Variants in PLCB1 observed in about 807,000 individuals in gnomAD.
PLCB1 encodes phospholipase C beta 1.
PLCB1 carries 46 observed loss-of-function variants against 161.8 expected under a neutral mutation model. That is an observed-to-expected ratio of 0.28 (90% CI 0.22 to 0.36). The LOEUF (loss-of-function observed/expected upper bound fraction) is 0.36, where lower values mean the gene tolerates loss of function less well. PLCB1 is among the 10% of genes least tolerant of loss of function. The pLI is 1.00. For synonymous variants in PLCB1, 517 were observed against 503.7 expected (o/e 1.03, Z -0.35); for missense variants, 1,016 against 1,472.5 (o/e 0.69, Z 5.07).
chr20:8,482,092 A>ATTTTTTTTTTTTTTTTTTTTT (rs199634903), intron 3 of PLCB1, among the ~76,000 whole-genome samples: 6 of 104,882 alleles, frequency 5.7e-5, no homozygotes, highest in Non-Finnish European at 7.3e-5. Context: ...GCTTGAAGGA[A>ATTTTTTTTTTTTTTTTTTTTT]TTTTTTTTTT....
At chr20:8,558,635 A>G (rs1986043140) in intron 3 of PLCB1, among the ~76,000 whole-genome samples, 1 of 151,922 alleles carries the variant, frequency 6.6e-6, no homozygotes, top group Admixed American at 6.6e-5. Flanking sequence ...ACACTAAGAG[A>G]AATTGTAATC....
chr20:8,384,545 T>G (rs767599846), intron 3 of PLCB1, among the ~76,000 whole-genome samples: 1 of 152,094 alleles, frequency 6.6e-6, no homozygotes, highest in East Asian at 1.9e-4. Flanking sequence ...TCTCATCCTC[T>G]GTCCAGTTCT....
intron 3 of PLCB1, among the ~76,000 whole-genome samples, chr20:8,547,346 C>T (rs1985591096): frequency 6.6e-6 from 1 of 152,104 alleles, no homozygotes; most frequent in Non-Finnish European, 1.5e-5. Context: ...TAATTGTCCA[C>T]CACAGATTTG....
At chr20:8,434,322 A>G (rs1980203537) in intron 3 of PLCB1, among the ~76,000 whole-genome samples, 2 of 147,208 alleles carry the variant, frequency 1.4e-5, no homozygotes, top group Non-Finnish European at 3.0e-5. Context: ...AAGGTTTCAC[A>G]TAAGTCAGAT....
chr20:8,818,855 C>T lies in PLCB1; in HGVS notation c.3423+28594C>T, dbSNP rs564958049. Among the ~76,000 whole-genome samples the T allele has an allele frequency of 2.6e-5, 4 of 151,508 alleles. No homozygotes were observed. In the East Asian group the frequency reaches 5.9e-4, roughly 22 times the overall value. On this transcript the variant is annotated intron_variant, in intron 31 of 31. Transcript: ENST00000338037. ...ACTTGGGAGGCTGAGGCAGTAGAAT[C>T]GCTTGAACCCAGGAGGCGGAGGCTG... is the stretch of plus-strand genomic sequence containing the variant.
rs1341448620 is a variant in PLCB1, at chr20:8,255,285, A to G, written c.177+104914A>G. On this transcript the variant is annotated intron_variant, in intron 2 of 31. Coordinates refer to ENST00000338037, the MANE Select transcript of PLCB1 (RefSeq NM_015192.4). ...GTAATATCAGAGGTAGTAAGGATAA[A>G]TATTCTTTTGAGAAGATCTCCATAT... 2.0e-5 allele frequency among the ~76,000 whole-genome samples: 3 copies of G among 152,072 alleles called. No homozygotes were observed. In the East Asian group the frequency reaches 5.8e-4, roughly 29 times the overall value.
At chr20:8,221,544 G>T (rs1042390626) in intron 2 of PLCB1, among the ~76,000 whole-genome samples, 1 of 152,092 alleles carries the variant, frequency 6.6e-6, no homozygotes, top group African/African-American at 2.4e-5. Flanking sequence ...TCATGAGAAG[G>T]CTCCAGGCTG....
At chr20:8,151,229 A>T (rs771050716) in intron 2 of PLCB1, among the ~76,000 whole-genome samples, 55 of 152,318 alleles carry the variant, frequency 3.6e-4, no homozygotes, top group Middle Eastern at 3.4e-3. Flanking sequence ...ATAGTATACC[A>T]TTAAAACAGC....
At position 8,592,497 on chromosome 20, in the gene PLCB1, G is replaced by A. The variant is rs987786040; in HGVS notation, c.247-35797G>A. Among the ~76,000 whole-genome samples the A allele has an allele frequency of 5.3e-5, 8 of 152,290 alleles. No individual in the cohort carries two copies. The South Asian group carries it at 6.2e-4, about 12-fold the overall frequency. Reference sequence around the variant, plus strand: ...TTGTTGGCATTTCTGGCCAGCATACGTGCCATTTTATTAATTGTTCTGGGC... The same window carrying A: ...TTGTTGGCATTTCTGGCCAGCATACATGCCATTTTATTAATTGTTCTGGGC... On this transcript the variant is annotated intron_variant, in intron 3 of 31. Coordinates refer to ENST00000338037, the MANE Select transcript of PLCB1 (RefSeq NM_015192.4).
At chr20:8,589,969 C>A (rs1013832432) in intron 3 of PLCB1, among the ~76,000 whole-genome samples, 11 of 152,060 alleles carry the variant, frequency 7.2e-5, no homozygotes, top group Non-Finnish European at 1.6e-4. Flanking sequence ...AGGCTCTACC[C>A]TTATGACCTA....
At chr20:8,638,678 C>G (rs1241225490) in intron 4 of PLCB1, among the ~76,000 whole-genome samples, 1 of 152,142 alleles carries the variant, frequency 6.6e-6, no homozygotes, top group South Asian at 2.1e-4. Flanking sequence ...TTAAGAAACT[C>G]TGTCTCTGTT....
chr20:8,704,108 C>G (rs1336497850), intron 11 of PLCB1, among the ~76,000 whole-genome samples: 1 of 152,164 alleles, frequency 6.6e-6, no homozygotes, highest in African/African-American at 2.4e-5. Flanking sequence ...AATCCCAGCA[C>G]TTTGGGAGGC....
At chr20:8,223,019 A>T (rs1309421092) in intron 2 of PLCB1, among the ~76,000 whole-genome samples, 2 of 152,156 alleles carry the variant, frequency 1.3e-5, no homozygotes, top group Non-Finnish European at 2.9e-5. Flanking sequence ...AGTTTTGTCC[A>T]CTTAAAACAA....
intron 1 of PLCB1, among the ~76,000 whole-genome samples, chr20:8,139,441 C>A (rs897329292): frequency 6.6e-6 from 1 of 151,820 alleles, no homozygotes; most frequent in Non-Finnish European, 1.5e-5. Flanking sequence ...TGTTCTGTTT[C>A]TTTTTACTGA....
At position 8,562,853 on chromosome 20, in the gene PLCB1, A is replaced by AT. The variant is rs1986186907; in HGVS notation, c.247-65436dup. ...TTGGTGATATTTTGGGTGATAGACT[A>AT]TTTTTACAAACTAGAAAAGATTCTA... is the stretch of plus-strand genomic sequence containing the variant. On this transcript the variant is annotated intron_variant, in intron 3 of 31. Transcript: ENST00000338037. 2.0e-5 allele frequency among the ~76,000 whole-genome samples: 3 copies of AT among 152,180 alleles called. No homozygotes were observed. The South Asian group carries it at 6.2e-4, about 32-fold the overall frequency.
Position 8,754,274 on chromosome 20 carries a change from C to A in PLCB1, c.2524-2772C>A, listed in dbSNP as rs73081968. On this transcript the variant is annotated intron_variant, in intron 23 of 31. Coordinates refer to ENST00000338037, the MANE Select transcript of PLCB1 (RefSeq NM_015192.4). The stretch of plus-strand genomic sequence containing the variant: ...CAAATTGACAATCGAACTTGGTTTC[C>A]CAAGGGCATACAGCTACATGGAGTA... 9.4e-3 allele frequency among the ~76,000 whole-genome samples: 1,424 copies of A among 151,922 alleles called. 11 individuals are homozygous for A. The highest frequency in any genetic ancestry group is 0.015 in the Non-Finnish European group (1,009 of 67,962).
chr20:8,710,502 CTTTTTTTTTTTT>C (rs1177302486), intron 12 of PLCB1, among the ~76,000 whole-genome samples: 50 of 71,470 alleles, frequency 7.0e-4, no homozygotes, highest in African/African-American at 2.3e-3. Context: ...CTTGAGGATG[CTTTTTTTTTTTT>C]TTTTTTTTTT....
chr20:8,218,551 A>G (rs1447791900), intron 2 of PLCB1, among the ~76,000 whole-genome samples: 1 of 152,062 alleles, frequency 6.6e-6, no homozygotes, highest in Non-Finnish European at 1.5e-5. Flanking sequence ...TAATAATAAT[A>G]CCTACTTCAC....
chr20:8,161,426 G>A (rs997538089), intron 2 of PLCB1, among the ~76,000 whole-genome samples: 3 of 152,142 alleles, frequency 2.0e-5, no homozygotes, highest in Non-Finnish European at 4.4e-5. Flanking sequence ...GTGAACAGAG[G>A]TTATGTCATG....
Sources: gnomAD v4.1 joint callset for allele counts (sites outside exome capture counted in the v4.1 genomes callset) on GRCh38, gnomAD v4.1.1 for gene constraint, MANE v1.5 for transcripts, NCBI Gene and HGNC (gene_info 2026-07-23, HGNC 2026-07-21) for gene names.